The following CACNA1H variants were observed in gnomAD, a reference collection of about 807,000 sequenced individuals.
CACNA1H encodes voltage-dependent T-type calcium channel subunit alpha-1H.
Under a neutral mutation model 192.5 loss-of-function variants are expected in CACNA1H, and 149 were observed. That is an observed-to-expected ratio of 0.77 (90% confidence interval 0.68 to 0.89). CACNA1H has a LOEUF of 0.89. Among genes scored for constraint, CACNA1H ranks in the 40% least tolerant of loss-of-function variants. The probability of loss-of-function intolerance (pLI) is 0.00; values close to 1 mark genes in which losing one functional copy is unlikely to be tolerated. For synonymous variants in CACNA1H, 2,202 were observed against 1,475.2 expected (o/e 1.49, Z -11.29); for missense variants, 4,257 against 3,423.5 (o/e 1.24, Z -6.08).
chr16:1,195,197 A>G, intron 3 of CACNA1H, 114 bp downstream of exon 3: 1 of 416,242 alleles, frequency 2.4e-6, no homozygotes, highest in Non-Finnish European at 3.4e-6. Flanking sequence ...GGAGTGGGTC[A>G]GGGTCGGGGA....
At chr16:1,162,535 G>A (rs1314802444) in intron 2 of CACNA1H, among the ~76,000 whole-genome samples, 1 of 152,132 alleles carries the variant, frequency 6.6e-6, no homozygotes, top group Non-Finnish European at 1.5e-5. Context: ...CCGTGAAGTG[G>A]GTCATTCGGA....
At chr16:1,199,140 C>T (rs1967408249) in intron 6 of CACNA1H, among the ~76,000 whole-genome samples, 1 of 63,206 alleles carries the variant, frequency 1.6e-5, no homozygotes, top group East Asian at 3.2e-4. Context: ...CATCATGGCT[C>T]CGCCCACCGT....
At position 1,200,535 on chromosome 16, in the gene CACNA1H, C is replaced by T. The variant is rs763566127; in HGVS notation, c.1083C>T (p.Phe361=). ...ACCCCCACAACGGTGCCATCAACTT[C>T]GACAACATCGGCTACGCCTGGATTG... ...DSNPHNGAIN[F]DNIGYAWIAI... The change falls in exon 7 of 35, where the codon TTC becomes TTT. Residue 361 remains phenylalanine (F), a synonymous_variant. Transcript: ENST00000348261. The T allele has an allele frequency of 1.6e-5, 25 of 1,612,134 alleles. No individual in the cohort carries two copies. Among genetic ancestry groups the T allele is most frequent in the South Asian group, 7.7e-5 (7 of 91,088 alleles).
At chr16:1,204,525 G>A (rs1414084498) in intron 10 of CACNA1H, 67 bp downstream of exon 10, 3 of 1,316,764 alleles carry the variant, frequency 2.3e-6, no homozygotes, top group Non-Finnish European at 3.1e-6. Flanking sequence ...AGTCTCAGGA[G>A]GCTTCCAGCA....
intron 2 of CACNA1H, among the ~76,000 whole-genome samples, chr16:1,177,236 C>T (rs1186654754): frequency 6.6e-6 from 1 of 152,214 alleles, no homozygotes; most frequent in African/African-American, 2.4e-5. Context: ...CCAGGGGCTG[C>T]TGTCCCCCAG....
At position 1,207,121 on chromosome 16, in the gene CACNA1H, A is replaced by G. The variant is rs1418223169; in HGVS notation, c.2907+3A>G. ...GGGCCATCGTCACCGTGTTCCAGGT[A>G]GTGCCCGGGGTCCCCGCAGCAGTGT... On this transcript the variant is annotated splice_donor_region_variant and intron_variant, in intron 13 of 34. Coordinates refer to ENST00000348261, the MANE Select transcript of CACNA1H (RefSeq NM_021098.3). 3.2e-6 allele frequency: 5 copies of G among 1,581,830 alleles called. No homozygotes were observed. The highest frequency in any genetic ancestry group is 4.3e-6 in the Non-Finnish European group (5 of 1,163,352).
At chr16:1,160,204 A>ACTGTCCCTGC (rs1963007031) in intron 2 of CACNA1H, 1 of 152,106 alleles carries the variant, frequency 6.6e-6, no homozygotes, top group East Asian at 1.9e-4. Flanking sequence ...AAGGGCGGGG[A>ACTGTCCCTGC]CTGTCCCTGC....
intron 2 of CACNA1H, among the ~76,000 whole-genome samples, chr16:1,181,473 G>A (rs538729951): frequency 2.0e-5 from 3 of 152,366 alleles, no homozygotes; most frequent in Non-Finnish European, 2.9e-5. Context: ...TCGTGCCCCC[G>A]AGGTCCTTGC....
At chr16:1,182,230 G>A (rs1344715161) in intron 2 of CACNA1H, among the ~76,000 whole-genome samples, 1 of 152,202 alleles carries the variant, frequency 6.6e-6, no homozygotes. Context: ...GCGGGCCTCA[G>A]CCCACCTGGG....
At chr16:1,195,204 G>A in intron 3 of CACNA1H, 121 bp downstream of exon 3, 1 of 907,622 alleles carries the variant, frequency 1.1e-6, no homozygotes, top group African/African-American at 1.8e-5. Context: ...GTCAGGGTCG[G>A]GGATCAGGGC....
At chr16:1,197,937 C>T (rs903888917) in intron 5 of CACNA1H, among the ~76,000 whole-genome samples, 1 of 152,282 alleles carries the variant, frequency 6.6e-6, no homozygotes, top group Non-Finnish European at 1.5e-5. Context: ...GTTCACGTAG[C>T]CCATAGCACC....
chr16:1,194,018 G>A (rs919140981), intron 2 of CACNA1H, among the ~76,000 whole-genome samples: 3 of 152,046 alleles, frequency 2.0e-5, no homozygotes, highest in East Asian at 1.9e-4. Flanking sequence ...GGCAGGGGGC[G>A]CTGCTGCCAC....
In CACNA1H at chr16:1,167,671, C is replaced by T. The variant is rs931002032; in HGVS notation, c.299+13635C>T. ...CCGGCCCGGCCTGTGTTACATAAAG[C>T]GGTTTGGCCCATGCAAGCCGGCTCC... On this transcript the variant is annotated intron_variant, in intron 2 of 34. Transcript: ENST00000348261. This position sits in a 1 kb window ranked among gnomAD's most constrained non-coding sequence, Gnocchi z 4.2. Among the ~76,000 whole-genome samples, 2 of 152,180 alleles carry T rather than the reference C, an allele frequency of 1.3e-5. No individual in the cohort carries two copies. Among genetic ancestry groups the T allele is most frequent in the Admixed American group, 6.5e-5 (1 of 15,286 alleles).
chr16:1,203,481 G>A (rs1250277374), intron 9 of CACNA1H, among the ~76,000 whole-genome samples: 2 of 152,198 alleles, frequency 1.3e-5, no homozygotes, highest in African/African-American at 4.8e-5. Flanking sequence ...CAGGAATGCG[G>A]CTGTGGGGGT....
rs531767809 is a variant in CACNA1H, at chr16:1,157,327, G to C, written c.299+3291G>C. Reference sequence around the variant, plus strand: ...GGCTCCAAACACCCCGTGTCACGGAGCTCTGAGATGGGGAAGGATATATCA... The same window carrying C: ...GGCTCCAAACACCCCGTGTCACGGACCTCTGAGATGGGGAAGGATATATCA... On this transcript the variant is annotated intron_variant, in intron 2 of 34. Transcript: ENST00000348261. 3.3e-5 allele frequency: 5 copies of C among 152,370 alleles called. No individual in the cohort carries two copies. In the East Asian group the frequency reaches 9.7e-4, roughly 29 times the overall value. 9.4% of individuals were successfully genotyped at this position (152,370 alleles called of 1,614,324 possible). A position where few individuals can be genotyped will look rare whatever the true frequency, so the allele number is the denominator to read the frequency against.
At chr16:1,160,860 A>G (rs967904889) in intron 2 of CACNA1H, among the ~76,000 whole-genome samples, 12 of 151,986 alleles carry the variant, frequency 7.9e-5, no homozygotes, top group East Asian at 7.8e-4. Context: ...TGCAGCGTCA[A>G]CCCGGGACGC....
In CACNA1H at chr16:1,205,723, C is replaced by G. The variant is rs1173773918; in HGVS notation, c.2604-381C>G. Among the ~76,000 whole-genome samples the G allele has an allele frequency of 6.6e-5, 10 of 152,190 alleles. 1 individual carries two copies. On this transcript the variant is annotated intron_variant, in intron 11 of 34. Coordinates refer to ENST00000348261, the MANE Select transcript of CACNA1H (RefSeq NM_021098.3). ...TCTTCCCCTAGGAGGACGCTCATCC[C>G]TCAAGAGTAGAGAGGGGTGCAGGGT...
In CACNA1H at chr16:1,207,324, C is replaced by G; in HGVS notation, c.2957C>G (p.Ser986Cys). The change falls in exon 14 of 35, where the codon TCC (serine) becomes TGC (cysteine). Residue 986 changes from serine (S) to cysteine (C), a missense_variant. Physicochemically the swap from Ser to Cys is moderately radical, Grantham distance 112. Transcript: ENST00000348261. ...GTGGTCCTGTACAACGGCATGGCCT[C>G]CACCTCCTCCTGGGCCGCCCTCTAC... The part of the protein sequence containing the change: ...WNVVLYNGMA[S>C]TSSWAALYFV... The G allele has an allele frequency of 1.9e-6, 3 of 1,611,136 alleles. No individual in the cohort carries two copies. Among genetic ancestry groups the G allele is most frequent in the Non-Finnish European group, 2.5e-6 (3 of 1,178,926 alleles).
At chr16:1,161,458 C>T (rs949777018) in intron 2 of CACNA1H, among the ~76,000 whole-genome samples, 2 of 152,196 alleles carry the variant, frequency 1.3e-5, no homozygotes, top group African/African-American at 4.8e-5. Flanking sequence ...GTGGGGATAC[C>T]TTGAGGCCTT....
Sources: allele counts gnomAD v4.1 joint callset (sites outside exome capture counted in the v4.1 genomes callset), GRCh38; gene constraint gnomAD v4.1.1; non-coding constraint Gnocchi (gnomAD v3.1); transcripts MANE v1.5; gene names NCBI Gene and HGNC (gene_info 2026-07-23, HGNC 2026-07-21).